Variants in SMOC1 observed in about 807,000 individuals in gnomAD.
SMOC1 encodes SPARC-related modular calcium-binding protein 1.
SMOC1 carries 22 observed loss-of-function variants against 56.3 expected under a neutral mutation model. The observed-to-expected ratio is 0.39, with a 90% CI of 0.28 to 0.56. The LOEUF is 0.56. SMOC1 is among the 20% of genes least tolerant of loss of function. SMOC1 has a pLI of 0.61. For missense variants in SMOC1, 509 were observed against 565.4 expected, an observed-to-expected ratio of 0.90 and a Z score of 1.01; for synonymous variants, 193 against 215.0, an observed-to-expected ratio of 0.90 and a Z score of 0.89.
At chr14:70,020,831 C>T (rs1250728691) in intron 10 of SMOC1, among the ~76,000 whole-genome samples, 6 of 152,152 alleles carry the variant, frequency 3.9e-5, no homozygotes, top group African/African-American at 1.4e-4. Context: ...TGGAAGGAAA[C>T]TCTTGGAGGT....
chr14:69,879,725 T>C lies in SMOC1; in HGVS notation c.47T>C (p.Leu16Pro). ...CGCCTGCTCACGCCCCACTTGCTGC[T>C]GGTGTTGGTGCAGCTGTCCCCTGCT... The part of the protein sequence containing the change: ...CARLLTPHLL[L>P]VLVQLSPARG... Residue 16 changes from leucine to proline, a missense_variant, in exon 1 of 12, where the codon CTG becomes CCG. Leu to Pro is a moderately conservative substitution (Grantham distance 98). Around this residue, in one of 3 missense-constraint regions of SMOC1, gnomAD observed 315 missense variants for 333.1 expected, o/e 0.95. Coordinates refer to ENST00000361956, the MANE Select transcript of SMOC1 (RefSeq NM_001034852.3). 1 of 1,591,400 alleles carries C rather than the reference T, an allele frequency of 6.3e-7. No homozygotes were observed. The highest frequency in any genetic ancestry group is 8.5e-7 in the Non-Finnish European group (1 of 1,176,076).
At chr14:69,899,043 C>G (rs1884169936) in intron 1 of SMOC1, among the ~76,000 whole-genome samples, 1 of 152,092 alleles carries the variant, frequency 6.6e-6, no homozygotes, top group Non-Finnish European at 1.5e-5. Flanking sequence ...AGTGTTTCCC[C>G]CTACCTTAGG....
chr14:69,927,266 G>T (rs1885035521), intron 1 of SMOC1, among the ~76,000 whole-genome samples: 1 of 152,232 alleles, frequency 6.6e-6, no homozygotes, highest in Non-Finnish European at 1.5e-5. Context: ...GGTTTTGCAG[G>T]TCATCAACTT....
At chr14:69,981,071 G>A (rs572323331) in intron 5 of SMOC1, among the ~76,000 whole-genome samples, 41 of 152,250 alleles carry the variant, frequency 2.7e-4, no homozygotes, top group African/African-American at 8.9e-4. Context: ...GAAAGGCAGA[G>A]CAGAAGGAGG....
intron 1 of SMOC1, among the ~76,000 whole-genome samples, chr14:69,943,684 C>G (rs113062456): frequency 1.6e-3 from 244 of 148,406 alleles, no homozygotes; most frequent in Non-Finnish European, 3.2e-3. Context: ...TTTCCCCCCC[C>G]TTTCAATAGC....
intron 3 of SMOC1, among the ~76,000 whole-genome samples, chr14:69,975,008 A>G (rs1010653149): frequency 3.9e-5 from 6 of 152,154 alleles, no homozygotes; most frequent in Non-Finnish European, 8.8e-5. Flanking sequence ...TTCAATCTGC[A>G]GTGGTGTCAT....
chr14:70,006,027 C>T (rs1885136860), intron 7 of SMOC1, among the ~76,000 whole-genome samples: 1 of 152,152 alleles, frequency 6.6e-6, no homozygotes, highest in Non-Finnish European at 1.5e-5. Flanking sequence ...AAAATAGGCC[C>T]CCTGTCTTGC....
chr14:69,948,472 T>C (rs1462920615), intron 1 of SMOC1, among the ~76,000 whole-genome samples: 2 of 152,088 alleles, frequency 1.3e-5, no homozygotes, highest in Non-Finnish European at 2.9e-5. Flanking sequence ...GCAGACAGAG[T>C]GTTCCCCTTG....
intron 7 of SMOC1, among the ~76,000 whole-genome samples, chr14:70,004,350 C>G (rs1885075029): frequency 6.6e-6 from 1 of 152,228 alleles, no homozygotes; most frequent in African/African-American, 2.4e-5. Flanking sequence ...AAACACTCAT[C>G]TAGATATTGG....
intron 7 of SMOC1, among the ~76,000 whole-genome samples, chr14:70,006,086 T>C (rs1287704919): frequency 6.6e-6 from 1 of 152,160 alleles, no homozygotes; most frequent in African/African-American, 2.4e-5. Context: ...TAGATGTGAA[T>C]TTTAAGACCC....
intron 7 of SMOC1, among the ~76,000 whole-genome samples, chr14:69,995,242 C>T (rs1408103661): frequency 2.6e-5 from 4 of 152,290 alleles, no homozygotes; most frequent in African/African-American, 7.2e-5. Flanking sequence ...GACTTTGAAC[C>T]AGCAGGCAGA....
chr14:69,959,116 G>T (rs1320751540), intron 3 of SMOC1, among the ~76,000 whole-genome samples: 2 of 151,986 alleles, frequency 1.3e-5, no homozygotes, highest in African/African-American at 4.8e-5. Context: ...TCATTATTTA[G>T]GACAAGAATG....
chr14:69,968,512 A>G (rs1271966890), intron 3 of SMOC1, among the ~76,000 whole-genome samples: 1 of 152,214 alleles, frequency 6.6e-6, no homozygotes, highest in Non-Finnish European at 1.5e-5. Flanking sequence ...AACTGCTCAG[A>G]CATCCTACAG....
At position 69,885,407 on chromosome 14, in the gene SMOC1, T is replaced by A. The variant is rs1167562116; in HGVS notation, c.99+5630T>A. ...GCGCTTGGCGATACGAGCCACAGAC[T>A]TAGGACCCAGGACATTGCCACCCCA... On this transcript the variant is annotated intron_variant, in intron 1 of 11. Transcript: ENST00000361956. 3 of 1,600,784 alleles carry A rather than the reference T, an allele frequency of 1.9e-6. No individual in the cohort carries two copies. The Admixed American group carries it at 5.0e-5, about 27-fold the overall frequency.
At chr14:69,915,871 C>G (rs146335423) in intron 1 of SMOC1, among the ~76,000 whole-genome samples, 3 of 152,230 alleles carry the variant, frequency 2.0e-5, no homozygotes, top group Admixed American at 2.0e-4. Flanking sequence ...CTGGCTCCCC[C>G]TCATCTCTCT....
chr14:70,020,151 C>CTTTT (rs78716484), intron 10 of SMOC1, among the ~76,000 whole-genome samples: 1 of 146,718 alleles, frequency 6.8e-6, no homozygotes. Context: ...TTGTTTTTGT[C>CTTTT]TTTTTTTTTT....
At chr14:69,968,646 T>C (rs1883654585) in intron 3 of SMOC1, among the ~76,000 whole-genome samples, 1 of 152,228 alleles carries the variant, frequency 6.6e-6, no homozygotes, top group South Asian at 2.1e-4. Flanking sequence ...AACCCTGCTA[T>C]CCGATTTGGA....
chr14:70,014,273 T>C (rs557419239), intron 10 of SMOC1, among the ~76,000 whole-genome samples: 40 of 152,068 alleles, frequency 2.6e-4, no homozygotes, highest in African/African-American at 9.4e-4. Flanking sequence ...CTGTGGTGAG[T>C]GCTAGGACAG....
At chr14:69,930,534 G>A (rs1403108597) in intron 1 of SMOC1, among the ~76,000 whole-genome samples, 1 of 152,220 alleles carries the variant, frequency 6.6e-6, no homozygotes, top group East Asian at 1.9e-4. Context: ...CACCGAGTCA[G>A]TTCCAGCCAC....
Sources: gnomAD v4.1 joint callset for allele counts (sites outside exome capture counted in the v4.1 genomes callset) on GRCh38, gnomAD v4.1.1 for gene constraint, gnomAD v4.1.1 regional missense constraint, MANE v1.5 for transcripts, NCBI Gene and HGNC (gene_info 2026-07-23, HGNC 2026-07-21) for gene names.